The following ROR1 variants were observed in gnomAD, a reference collection of about 807,000 sequenced individuals.
ROR1 encodes the protein inactive tyrosine-protein kinase transmembrane receptor ROR1.
A neutral mutation model predicts 78.8 loss-of-function variants in ROR1; 19 were observed. The ratio of observed to expected loss-of-function variants is 0.24; its 90% CI spans 0.17 to 0.35. The LOEUF (loss-of-function observed/expected upper bound fraction) is 0.35. ROR1 is among the 10% of genes least tolerant of loss of function. ROR1 has a pLI of 1.00. For missense variants in ROR1, 917 were observed against 1,177.8 expected, an observed-to-expected ratio of 0.78 and a Z score of 3.24; for synonymous variants, 386 against 433.6, an observed-to-expected ratio of 0.89 and a Z score of 1.36.
intron 1 of ROR1, among the ~76,000 whole-genome samples, chr1:63,864,546 G>A (rs1645203148): frequency 6.6e-6 from 1 of 152,162 alleles, no homozygotes; most frequent in South Asian, 2.1e-4. Flanking sequence ...GTGGTTTTCT[G>A]CACAGTATCA....
chr1:64,170,738 C>T (rs959278089), intron 8 of ROR1, among the ~76,000 whole-genome samples: 6 of 152,168 alleles, frequency 3.9e-5, no homozygotes, highest in Non-Finnish European at 5.9e-5. Context: ...CCCAAATCAC[C>T]TCTTGAATGC....
chr1:64,165,687 A>G (rs185289575), intron 8 of ROR1, among the ~76,000 whole-genome samples: 1,545 of 142,956 alleles, frequency 0.011, 16 homozygotes, highest in Non-Finnish European at 0.018. Context: ...GGATTTTTAT[A>G]ATTTCGGGTT....
At chr1:64,052,134 A>G (rs1363164412) in intron 4 of ROR1, among the ~76,000 whole-genome samples, 1 of 152,132 alleles carries the variant, frequency 6.6e-6, no homozygotes, top group African/African-American at 2.4e-5. Context: ...TTGATCTTAA[A>G]ACAGGTCAGA....
chr1:64,031,068 A>G (rs913186195), intron 2 of ROR1, among the ~76,000 whole-genome samples: 6 of 152,110 alleles, frequency 3.9e-5, no homozygotes, highest in Admixed American at 2.0e-4. Context: ...GAGTTTTGCC[A>G]TGTTTCCCAG....
chr1:63,997,216 A>G (rs1467343586), intron 1 of ROR1, among the ~76,000 whole-genome samples: 1 of 152,134 alleles, frequency 6.6e-6, no homozygotes, highest in Non-Finnish European at 1.5e-5. Flanking sequence ...GGCTTGCCCA[A>G]TTTGCCCATT....
Position 64,178,635 on chromosome 1 carries a change from CTGGCCA to C in ROR1, c.2597_2602del (p.Gly866_His867del). ...AGCAGTGCCAGTGGGTCGACTAGCACTGGCCATGTGACTAGCTTGCCCTCATCAGGA... is the reference window on the plus strand; with the variant it reads ...AGCAGTGCCAGTGGGTCGACTAGCACTGTGACTAGCTTGCCCTCATCAGGA... On this transcript the variant is annotated inframe_deletion, in exon 9 of 9. Transcript: ENST00000371079. This position sits in a 1 kb window ranked among gnomAD's most constrained non-coding sequence, Gnocchi z 4.3. 1.2e-6 allele frequency: 2 copies of C among 1,614,192 alleles called. No homozygotes were observed. Among genetic ancestry groups the C allele is most frequent in the South Asian group, 2.2e-5 (2 of 91,086 alleles).
At chr1:63,780,334 G>GGGGGTTTGAATT (rs1553130976) in intron 1 of ROR1, among the ~76,000 whole-genome samples, 1 of 152,166 alleles carries the variant, frequency 6.6e-6, no homozygotes, top group Non-Finnish European at 1.5e-5. Context: ...GATAGGGAAT[G>GGGGGTTTGAATT]GGGGTTTGAA....
intron 4 of ROR1, among the ~76,000 whole-genome samples, chr1:64,119,513 C>T (rs1195788604): frequency 6.6e-6 from 1 of 151,980 alleles, no homozygotes; most frequent in Non-Finnish European, 1.5e-5. Flanking sequence ...GTGGCAGGCG[C>T]CTGTAATCCC....
intron 1 of ROR1, among the ~76,000 whole-genome samples, chr1:63,909,819 G>T (rs529355589): frequency 6.6e-6 from 1 of 152,070 alleles, no homozygotes; most frequent in Non-Finnish European, 1.5e-5. Context: ...TTGTTTATTC[G>T]CCTCAGTCTC....
chr1:63,855,022 T>C (rs1645139760), intron 1 of ROR1, among the ~76,000 whole-genome samples: 1 of 152,100 alleles, frequency 6.6e-6, no homozygotes, highest in Non-Finnish European at 1.5e-5. Context: ...TTTCCAAATA[T>C]TTTTGATCTG....
At chr1:64,163,971 T>C (rs1650016426) in intron 8 of ROR1, among the ~76,000 whole-genome samples, 2 of 152,210 alleles carry the variant, frequency 1.3e-5, no homozygotes, top group Admixed American at 1.3e-4. Context: ...CCAGTGACCT[T>C]TGCCAAGTCT....
chr1:63,800,467 G>C (rs1481533613), intron 1 of ROR1, among the ~76,000 whole-genome samples: 2 of 152,158 alleles, frequency 1.3e-5, no homozygotes, highest in Non-Finnish European at 2.9e-5. Context: ...TATTCACTTG[G>C]CCTCAGCAGA....
At chr1:64,157,805 G>A (rs1455752463) in intron 7 of ROR1, among the ~76,000 whole-genome samples, 1 of 152,092 alleles carries the variant, frequency 6.6e-6, no homozygotes, top group Non-Finnish European at 1.5e-5. Context: ...ACCTAATTTT[G>A]TATTCCCAGT....
At chr1:63,981,044 C>G (rs1036867288) in intron 1 of ROR1, among the ~76,000 whole-genome samples, 1 of 151,654 alleles carries the variant, frequency 6.6e-6, no homozygotes, top group Admixed American at 6.5e-5. Flanking sequence ...CTGAATCACT[C>G]ATGCTGCCAG....
intron 4 of ROR1, among the ~76,000 whole-genome samples, chr1:64,130,138 T>C (rs1648861143): frequency 1.3e-5 from 2 of 152,174 alleles, no homozygotes; most frequent in African/African-American, 4.8e-5. Flanking sequence ...CATGTGATAT[T>C]CGACACAGTC....
intron 1 of ROR1, among the ~76,000 whole-genome samples, chr1:64,007,080 G>A (rs1210890383): frequency 6.6e-6 from 1 of 152,006 alleles, no homozygotes; most frequent in Admixed American, 6.6e-5. Flanking sequence ...AGCATGGGCT[G>A]CCAGAAGGTG....
At chr1:63,896,619 C>G (rs1044834309) in intron 1 of ROR1, among the ~76,000 whole-genome samples, 3 of 152,118 alleles carry the variant, frequency 2.0e-5, no homozygotes, top group African/African-American at 7.2e-5. Flanking sequence ...GGCGAAGCAC[C>G]GGAAATGACT....
intron 4 of ROR1, among the ~76,000 whole-genome samples, chr1:64,085,498 G>T (rs1647145134): frequency 6.6e-6 from 1 of 152,112 alleles, no homozygotes; most frequent in Non-Finnish European, 1.5e-5. Flanking sequence ...TTCCCAACAT[G>T]GCCAGAGGTT....
chr1:63,939,907 A>G (rs2100455125), intron 1 of ROR1, among the ~76,000 whole-genome samples: 1 of 152,328 alleles, frequency 6.6e-6, no homozygotes, highest in East Asian at 1.9e-4. Context: ...GTACTTTCTC[A>G]GTTACCAAGG....
Sources: gnomAD v4.1 joint callset for allele counts (sites outside exome capture counted in the v4.1 genomes callset) on GRCh38, gnomAD v4.1.1 for gene constraint, Gnocchi (gnomAD v3.1) non-coding constraint, MANE v1.5 for transcripts, NCBI Gene and HGNC (gene_info 2026-07-23, HGNC 2026-07-21) for gene names.